The following LARP4B variants were observed in gnomAD, a reference collection of about 807,000 sequenced individuals.
LARP4B encodes La ribonucleoprotein 4B.
A neutral mutation model predicts 89.8 loss-of-function variants in LARP4B; 12 were observed. That is an observed-to-expected ratio of 0.13 (90% CI 0.09 to 0.22). The LOEUF is 0.22. Among genes scored for constraint, LARP4B ranks in the 10% least tolerant of loss-of-function variants. The pLI is 1.00. For synonymous variants in LARP4B, 367 were observed against 363.3 expected (o/e 1.01, Z -0.12); for missense variants, 757 against 947.7 (o/e 0.80, Z 2.64).
chr10:888,196 T>C (rs1245985758), intron 1 of LARP4B, among the ~76,000 whole-genome samples: 1 of 152,158 alleles, frequency 6.6e-6, no homozygotes, highest in Admixed American at 6.5e-5. Flanking sequence ...GGCACATGCC[T>C]GGAGTCCCAG....
At chr10:946,522 A>C in the LARP4B span, among the ~76,000 whole-genome samples, 1 of 152,254 alleles carries the variant, frequency 6.6e-6, no homozygotes, top group Admixed American at 6.5e-5. Flanking sequence ...CTGTTTCTCC[A>C]GTTATGAAAG....
intron 5 of LARP4B, among the ~76,000 whole-genome samples, chr10:850,063 A>C (rs2131772123): frequency 6.6e-6 from 1 of 152,336 alleles, no homozygotes; most frequent in East Asian, 1.9e-4. Flanking sequence ...GATTGGGACA[A>C]ATGTACCATA....
At chr10:977,978 G>A in the LARP4B span, among the ~76,000 whole-genome samples, 1 of 152,224 alleles carries the variant, frequency 6.6e-6, no homozygotes, top group East Asian at 1.9e-4. Flanking sequence ...CCCCGCCTAG[G>A]GTGTGCCAGA....
chr10:842,827 C>T, intron 7 of LARP4B, 105 bp downstream of exon 7: 1 of 1,003,450 alleles, frequency 1.0e-6, no homozygotes, highest in Non-Finnish European at 1.5e-6. Context: ...ATCTGATTCG[C>T]CATCAAGGAC....
At chr10:916,229 A>T (rs137883155) in intron 1 of LARP4B, among the ~76,000 whole-genome samples, 6 of 152,198 alleles carry the variant, frequency 3.9e-5, no homozygotes, top group African/African-American at 1.2e-4. Flanking sequence ...CACAAAAATA[A>T]CCAAATTTCC....
At chr10:926,354 A>T (rs1006909182) in intron 1 of LARP4B, among the ~76,000 whole-genome samples, 1 of 152,214 alleles carries the variant, frequency 6.6e-6, no homozygotes, top group South Asian at 2.1e-4. Context: ...AAATATTTTA[A>T]AAATTTTTTT....
At chr10:954,686 G>A in the LARP4B span, among the ~76,000 whole-genome samples, 162 of 152,238 alleles carry the variant, frequency 1.1e-3, 1 homozygote, top group African/African-American at 3.6e-3. The surrounding 1 kb of genome is among the most constrained non-coding windows in gnomAD (Gnocchi z 5.0). Flanking sequence ...TCAGGGTACC[G>A]GCCGGGCGCA....
chr10:901,944 GAGA>G (rs1232306815), intron 1 of LARP4B, among the ~76,000 whole-genome samples: 1 of 152,136 alleles, frequency 6.6e-6, no homozygotes, highest in African/African-American at 2.4e-5. Context: ...GTACCTACAT[GAGA>G]AGACCACCAA....
chr10:860,933 G>A (rs1834572239), intron 5 of LARP4B, among the ~76,000 whole-genome samples: 1 of 152,132 alleles, frequency 6.6e-6, no homozygotes, highest in African/African-American at 2.4e-5. Flanking sequence ...GAGGTGGGCG[G>A]GTCATGAGGT....
At chr10:863,315 C>A (rs1834721773) in intron 5 of LARP4B, among the ~76,000 whole-genome samples, 1 of 151,984 alleles carries the variant, frequency 6.6e-6, no homozygotes, top group Non-Finnish European at 1.5e-5. Flanking sequence ...GCTCCGCCTC[C>A]AGGTTCACGC....
intron 5 of LARP4B, among the ~76,000 whole-genome samples, chr10:850,970 A>G (rs1403934604): frequency 1.3e-5 from 2 of 152,130 alleles, no homozygotes; most frequent in Admixed American, 1.3e-4. Flanking sequence ...CTTAAGCACT[A>G]CTTATGGGGA....
At chr10:888,699 T>C (rs1835933293) in intron 1 of LARP4B, among the ~76,000 whole-genome samples, 1 of 152,208 alleles carries the variant, frequency 6.6e-6, no homozygotes. Flanking sequence ...TACCTAATTT[T>C]GGGTGAGTCA....
chr10:884,941 C>T (rs1490356513), intron 2 of LARP4B, among the ~76,000 whole-genome samples: 1 of 152,130 alleles, frequency 6.6e-6, no homozygotes, highest in Admixed American at 6.5e-5. Flanking sequence ...GTATCTAGAG[C>T]TATAACAATT....
intron 1 of LARP4B, among the ~76,000 whole-genome samples, chr10:923,203 C>A (rs1389513635): frequency 1.3e-5 from 2 of 152,170 alleles, no homozygotes; most frequent in African/African-American, 4.8e-5. Flanking sequence ...TTTTTAACCT[C>A]CTAAAAGCAC....
chr10:909,966 G>A (rs1340447584), intron 1 of LARP4B, among the ~76,000 whole-genome samples: 1 of 152,084 alleles, frequency 6.6e-6, no homozygotes, highest in Non-Finnish European at 1.5e-5. Flanking sequence ...ACTGAGAAAA[G>A]AAAAACAGCT....
At chr10:873,143 ATGTT>A (rs1462261890) in intron 3 of LARP4B, 1 of 985,348 alleles carries the variant, frequency 1.0e-6, no homozygotes, top group Non-Finnish European at 1.2e-6. Context: ...GCAGCAGCCC[ATGTT>A]TGAGAGCTCA....
chr10:838,902 C>T (rs1833371985), intron 7 of LARP4B, among the ~76,000 whole-genome samples: 2 of 152,192 alleles, frequency 1.3e-5, no homozygotes, highest in Admixed American at 6.5e-5. Flanking sequence ...AACTGTGGGA[C>T]ATCCAGACAA....
chr10:893,182 G>T (rs1836087285), intron 1 of LARP4B, among the ~76,000 whole-genome samples: 1 of 151,976 alleles, frequency 6.6e-6, no homozygotes, highest in East Asian at 1.9e-4. Flanking sequence ...CCAAAGTGCT[G>T]GGATTACAGG....
intron 1 of LARP4B, among the ~76,000 whole-genome samples, chr10:920,484 A>G (rs1588991384): frequency 6.6e-6 from 1 of 152,370 alleles, no homozygotes; most frequent in East Asian, 1.9e-4. Flanking sequence ...TGAATTAAGA[A>G]TTAATCAGGC....
Sources: gnomAD v4.1 joint callset for allele counts (sites outside exome capture counted in the v4.1 genomes callset) on GRCh38, gnomAD v4.1.1 for gene constraint, Gnocchi (gnomAD v3.1) non-coding constraint, MANE v1.5 for transcripts, NCBI Gene and HGNC (gene_info 2026-07-23, HGNC 2026-07-21) for gene names.